SOST: variants seen among roughly 807,000 people sequenced by gnomAD.
SOST encodes the protein sclerosteosis.
Under a neutral mutation model 16.7 loss-of-function variants are expected in SOST, and 14 were observed. That is an observed-to-expected ratio of 0.84 (90% confidence interval 0.55 to 1.31). SOST has a LOEUF of 1.31. SOST is among the 50% of genes most tolerant of loss of function. SOST has a pLI of 0.00. For missense variants in SOST, 291 were observed against 310.7 expected (o/e 0.94, Z 0.48); for synonymous variants, 150 against 140.9 (o/e 1.06, Z -0.46).
chr17:43,758,182 C>A (rs552380815), intron 1 of SOST, among the ~76,000 whole-genome samples: 2 of 152,088 alleles, frequency 1.3e-5, no homozygotes, highest in African/African-American at 4.8e-5. Context: ...AGCAGCTGGA[C>A]GTGGCTCCTA....
Position 43,755,655 on chromosome 17 carries a change from C to T in SOST, c.329G>A (p.Gly110Asp). Residue 110 changes from glycine (G) to aspartate (D), a missense_variant, in exon 2 of 2, where the codon GGC becomes GAC. Gly to Asp is a moderately conservative substitution (Grantham distance 94). Coordinates refer to ENST00000301691, the MANE Select transcript of SOST (RefSeq NM_025237.3). This position sits in a 1 kb window ranked among gnomAD's most constrained non-coding sequence, Gnocchi z 4.3. The stretch of plus-strand genomic sequence containing the variant: ...GGCGTTGGGCAGCAGGCGCGCCGGG[C>T]CGCACTGGCCGGAGCACACCAGCTC... ...VTELVCSGQC[G>D]PARLLPNAIG... is the part of the protein sequence containing the mutation. 2 of 1,566,416 alleles carry T rather than the reference C, an allele frequency of 1.3e-6. No individual in the cohort carries two copies. Among genetic ancestry groups the T allele is most frequent in the South Asian group, 2.3e-5 (2 of 86,686 alleles).
intron 1 of SOST, among the ~76,000 whole-genome samples, chr17:43,756,219 C>T (rs1974129477): frequency 6.6e-6 from 1 of 152,116 alleles, no homozygotes; most frequent in Non-Finnish European, 1.5e-5. Flanking sequence ...CCGCAGGGTC[C>T]CTGGCCTGGG....
rs539065995 is a variant in SOST at position 43,757,791 on chromosome 17, G to A, written c.220+731C>T. Among the ~76,000 whole-genome samples, 5 of 152,234 alleles carry A rather than the reference G, an allele frequency of 3.3e-5. No individual in the cohort carries two copies. In the South Asian group the frequency reaches 8.3e-4, roughly 25 times the overall value. On this transcript the variant is annotated intron_variant, in intron 1 of 1. Transcript: ENST00000301691. ...GGACTCAGCTGCACCCATGTCAGGGGCTAAAACTGTGCCGAAAACTCCCAT... is the reference window on the plus strand; with the variant it reads ...GGACTCAGCTGCACCCATGTCAGGGACTAAAACTGTGCCGAAAACTCCCAT...
chr17:43,758,249 C>G (rs1791390557), intron 1 of SOST, among the ~76,000 whole-genome samples: 1 of 152,146 alleles, frequency 6.6e-6, no homozygotes, highest in South Asian at 2.1e-4. Flanking sequence ...TGAGCCTGTT[C>G]TGATGCCCTG....
Position 43,758,539 on chromosome 17 carries a change from T to C in SOST, c.203A>G (p.His68Arg). 6.2e-7 allele frequency: 1 copy of C among 1,613,628 alleles called. No homozygotes were observed. The highest frequency in any genetic ancestry group is 8.5e-7 in the Non-Finnish European group (1 of 1,179,764). The change falls in exon 1 of 2, where the codon CAC becomes CGC. Residue 68 changes from histidine (H) to arginine (R), a missense_variant. Coordinates refer to ENST00000301691, the MANE Select transcript of SOST (RefSeq NM_025237.3). Reference protein sequence around the residue: ...RAENGGRPPHHPFETKDVSEY... With the variant: ...RAENGGRPPHRPFETKDVSEY... Reference sequence around the variant, plus strand: ...CCCCATACCTTTGGTCTCAAAGGGGTGGTGGGGAGGCCGCCCTCCGTTCTC... The same window carrying C: ...CCCCATACCTTTGGTCTCAAAGGGGCGGTGGGGAGGCCGCCCTCCGTTCTC...
Position 43,755,135 on chromosome 17 carries a change from GC to G in SOST, c.*206del. ...TCTGTGACTCTCAATTCCCTCCCCT[GC>G]CCCGTGGGACCCCTCAGCTGGCGGG... On this transcript the variant is annotated 3_prime_UTR_variant, in exon 2 of 2. Transcript: ENST00000301691. The surrounding 1 kb of genome is among the most constrained non-coding windows in gnomAD (Gnocchi z 4.3). 3.7e-6 allele frequency: 2 copies of G among 533,680 alleles called. No individual in the cohort carries two copies. The highest frequency in any genetic ancestry group is 2.9e-5 in the South Asian group (1 of 34,694). The allele number at this position is 533,680 out of a possible 1,614,324, so 33.1% of individuals were successfully genotyped here. A position where few individuals can be genotyped will look rare whatever the true frequency, so the allele number is the denominator to read the frequency against.
chr17:43,756,711 C>T (rs1475904572), intron 1 of SOST, among the ~76,000 whole-genome samples: 2 of 152,138 alleles, frequency 1.3e-5, no homozygotes, highest in Non-Finnish European at 2.9e-5. Flanking sequence ...AAACATTGAC[C>T]TGGCTCTCTG....
chr17:43,758,536 G>T lies in SOST; in HGVS notation c.206C>A (p.Pro69His), dbSNP rs1261726802. ...CCACCCCATACCTTTGGTCTCAAAGGGGTGGTGGGGAGGCCGCCCTCCGTT... is the reference window on the plus strand; with the variant it reads ...CCACCCCATACCTTTGGTCTCAAAGTGGTGGTGGGGAGGCCGCCCTCCGTT... Reference protein sequence around the residue: ...AENGGRPPHHPFETKDVSEYS... With the variant: ...AENGGRPPHHHFETKDVSEYS... Residue 69 changes from proline to histidine, a missense_variant, in exon 1 of 2, where the codon CCC (proline) becomes CAC (histidine). By Grantham distance (77) the Pro-to-His change is moderately conservative. Transcript: ENST00000301691. 1 of 1,613,768 alleles carries T rather than the reference G, an allele frequency of 6.2e-7. No homozygotes were observed. Among genetic ancestry groups the T allele is most frequent in the Non-Finnish European group, 8.5e-7 (1 of 1,179,770 alleles).
rs1407533929 is a variant in SOST at position 43,758,745 on chromosome 17, A to C, written c.-4T>G. 6.2e-7 allele frequency: 1 copy of C among 1,611,920 alleles called. No homozygotes were observed. Among genetic ancestry groups the C allele is most frequent in the Admixed American group, 1.7e-5 (1 of 60,030 alleles). On this transcript the variant is annotated 5_prime_UTR_variant, in exon 1 of 2. Coordinates refer to ENST00000301691, the MANE Select transcript of SOST (RefSeq NM_025237.3). ...ACAGGGCCAGTGGGAGCTGCATGGT[A>C]CCAGCCAGAGGAGGGCACGCCACCT... is the stretch of plus-strand genomic sequence containing the variant.
At position 43,754,650 on chromosome 17, in the gene SOST, G is replaced by C. The variant is rs1974106448; in HGVS notation, c.*692C>G. 2 of 151,938 alleles carry C rather than the reference G, an allele frequency of 1.3e-5. No individual in the cohort carries two copies. Among genetic ancestry groups the C allele is most frequent in the African/African-American group, 4.8e-5 (2 of 41,332 alleles). 9.4% of individuals were successfully genotyped at this position (151,938 alleles called of 1,614,324 possible). ...AACTCTGAATTCTGGAAGTGACCTT[G>C]GCACTGAATCAATGCAACTGCATTC... On this transcript the variant is annotated 3_prime_UTR_variant, in exon 2 of 2. Transcript: ENST00000301691.
rs1974126970 is a variant in SOST, at chr17:43,755,988, A to G, written c.221-225T>C. ...AAATGACTGCTGGGGTTCAAACACC[A>G]GGGCTCCATCGCTCACTGCAGGTGT... On this transcript the variant is annotated intron_variant, in intron 1 of 1. Transcript: ENST00000301691. This position sits in a 1 kb window ranked among gnomAD's most constrained non-coding sequence, Gnocchi z 4.3. Among the ~76,000 whole-genome samples, 1 of 152,234 alleles carries G rather than the reference A, an allele frequency of 6.6e-6. No individual in the cohort carries two copies. Among genetic ancestry groups the G allele is most frequent in the Admixed American group, 6.5e-5 (1 of 15,288 alleles).
rs1375358705 is a variant in SOST, at chr17:43,755,148, C to A, written c.*194G>T. 1 of 547,208 alleles carries A rather than the reference C, an allele frequency of 1.8e-6. No individual in the cohort carries two copies. 33.9% of individuals were successfully genotyped at this position (547,208 alleles called of 1,614,324 possible). ...ATTCCCTCCCCTGCCCCGTGGGACC[C>A]CTCAGCTGGCGGGCTGAGGGGGGCC... On this transcript the variant is annotated 3_prime_UTR_variant, in exon 2 of 2. Transcript: ENST00000301691. The surrounding 1 kb of genome is among the most constrained non-coding windows in gnomAD (Gnocchi z 4.3).
At position 43,758,213 on chromosome 17, in the gene SOST, T is replaced by C. The variant is rs79801366; in HGVS notation, c.220+309A>G. Reference sequence around the variant, plus strand: ...TCCTATATTCCCAGGAGGAGATTCTTTGAAACCTTTTCTTTTCTGAGCCCC... The same window carrying C: ...TCCTATATTCCCAGGAGGAGATTCTCTGAAACCTTTTCTTTTCTGAGCCCC... On this transcript the variant is annotated intron_variant, in intron 1 of 1. Coordinates refer to ENST00000301691, the MANE Select transcript of SOST (RefSeq NM_025237.3). Among the ~76,000 whole-genome samples, 1,068 of 152,262 alleles carry C rather than the reference T, an allele frequency of 7.0e-3. 13 individuals carry two copies. The highest frequency in any genetic ancestry group is 0.024 in the African/African-American group (1,011 of 41,546).
chr17:43,758,702 C>T lies in SOST; in HGVS notation c.40G>A (p.Val14Ile), dbSNP rs765162616. 6.2e-7 allele frequency: 1 copy of T among 1,614,032 alleles called. No individual in the cohort carries two copies. Among genetic ancestry groups the T allele is most frequent in the Non-Finnish European group, 8.5e-7 (1 of 1,180,052 alleles). Residue 14 changes from valine (V) to isoleucine (I), a missense_variant, in exon 1 of 2, where the codon GTA becomes ATA. Physicochemically the swap from Val to Ile is conservative, Grantham distance 29. Coordinates refer to ENST00000301691, the MANE Select transcript of SOST (RefSeq NM_025237.3). ...PLALCLVCLL[V>I]HTAFRVVEGQ... ...TCCACTACACGGAAGGCTGTGTGTACCAGCAGGCAGACGAGACACAGGGCC... is the reference window on the plus strand; with the variant it reads ...TCCACTACACGGAAGGCTGTGTGTATCAGCAGGCAGACGAGACACAGGGCC...
rs553573065 is a variant in SOST at position 43,754,724 on chromosome 17, C to T, written c.*618G>A. On this transcript the variant is annotated 3_prime_UTR_variant, in exon 2 of 2. Transcript: ENST00000301691. ...CTCTCACCTCTGCCCATTCAAAAGG[C>T]ACTGGAGTCCTTGGAATCATATGCC... is the stretch of plus-strand genomic sequence containing the variant. The T allele has an allele frequency of 6.2e-4, 94 of 152,286 alleles. No homozygotes were observed. Among genetic ancestry groups the T allele is most frequent in the African/African-American group, 2.1e-3 (89 of 41,546 alleles). The allele number at this position is 152,286 out of a possible 1,614,324, so 9.4% of individuals were successfully genotyped here.
rs1025343570 is a variant in SOST, at chr17:43,757,163, C to T, written c.220+1359G>A. Among the ~76,000 whole-genome samples the T allele has an allele frequency of 3.9e-5, 6 of 152,216 alleles. No individual in the cohort carries two copies. In the East Asian group the frequency reaches 7.7e-4, roughly 20 times the overall value. ...TTTGCCCAGGGAAGGGGGCATTTTG[C>T]GGCTTTTCGAGAATAGCGCCCCTAG... On this transcript the variant is annotated intron_variant, in intron 1 of 1. Coordinates refer to ENST00000301691, the MANE Select transcript of SOST (RefSeq NM_025237.3).
chr17:43,756,180 GTCT>G (rs1435449317), intron 1 of SOST, among the ~76,000 whole-genome samples: 2 of 152,168 alleles, frequency 1.3e-5, no homozygotes, highest in Non-Finnish European at 2.9e-5. Context: ...CTCTTCTGGG[GTCT>G]TCTTATGATT....
In SOST at chr17:43,755,689, G is replaced by C. The variant is rs778302663; in HGVS notation, c.295C>G (p.Pro99Ala). ...VTDGPCRSAK[P>A]VTELVCSGQC... ...CCGGAGCACACCAGCTCGGTGACCG[G>C]CTTGGCGCTGCGGCACGGCCCATCG... Residue 99 changes from proline to alanine, a missense_variant, in exon 2 of 2, where the codon CCG becomes GCG. Transcript: ENST00000301691. The surrounding 1 kb of genome is among the most constrained non-coding windows in gnomAD (Gnocchi z 4.3). 15 of 1,563,468 alleles carry C rather than the reference G, an allele frequency of 9.6e-6. No individual in the cohort carries two copies. The highest frequency in any genetic ancestry group is 1.3e-5 in the Non-Finnish European group (15 of 1,162,882).
chr17:43,758,703 C>T lies in SOST; in HGVS notation c.39G>A (p.Leu13=). 6.2e-7 allele frequency: 1 copy of T among 1,614,018 alleles called. No homozygotes were observed. The highest frequency in any genetic ancestry group is 2.2e-5 in the East Asian group (1 of 44,878). The change falls in exon 1 of 2, where the codon CTG becomes CTA. Residue 13 remains leucine, a synonymous_variant. Transcript: ENST00000301691. ...LPLALCLVCL[L]VHTAFRVVEG... ...CCACTACACGGAAGGCTGTGTGTAC[C>T]AGCAGGCAGACGAGACACAGGGCCA...
Sources: allele counts gnomAD v4.1 joint callset (sites outside exome capture counted in the v4.1 genomes callset), GRCh38; gene constraint gnomAD v4.1.1; non-coding constraint Gnocchi (gnomAD v3.1); transcripts MANE v1.5; gene names NCBI Gene and HGNC (gene_info 2026-07-23, HGNC 2026-07-21).